MACF1: variants seen among roughly 807,000 people sequenced by gnomAD.
MACF1 encodes the protein microtubule-actin cross-linking factor 1.
MACF1 carries 193 observed loss-of-function variants against 854.8 expected under a neutral mutation model. The ratio of observed to expected loss-of-function variants is 0.23; its 90% CI spans 0.20 to 0.25. The LOEUF is 0.25. Among genes scored for constraint, MACF1 ranks in the 10% least tolerant of loss-of-function variants. The pLI is 1.00. For synonymous variants in MACF1, 3,185 were observed against 3,226.7 expected, an observed-to-expected ratio of 0.99 and a Z score of 0.44; for missense variants, 7,722 against 8,929.1, an observed-to-expected ratio of 0.86 and a Z score of 5.45.
In MACF1 at chr1:39,333,071, A is replaced by C; in HGVS notation, c.6483A>C (p.Gln2161His). 6.2e-7 allele frequency: 1 copy of C among 1,614,130 alleles called. No individual in the cohort carries two copies. The highest frequency in any genetic ancestry group is 8.5e-7 in the Non-Finnish European group (1 of 1,180,018). Residue 2161 changes from glutamine to histidine, a missense_variant, in exon 37 of 101, where the codon CAA (glutamine) becomes CAC (histidine). Gln to His is a conservative substitution (Grantham distance 24). Transcript: ENST00000564288. ...TTGAAACACCAAAGAAAGAACATCA[A>C]CCTCTAAGAAACACTTCCTTTACAT... Reference protein sequence around the residue: ...FSVETPKKEHQPLRNTSFTCQ... With the variant: ...FSVETPKKEHHPLRNTSFTCQ...
chr1:39,439,173 T>G (rs1044546876), intron 71 of MACF1, 101 bp from the exon 72 acceptor site: 29 of 573,674 alleles, frequency 5.1e-5, no homozygotes, highest in Middle Eastern at 9.4e-4. Context: ...TTTTAAAAAA[T>G]AGTTTCATTG....
At chr1:39,421,671 T>C (rs1227652499) in intron 58 of MACF1, among the ~76,000 whole-genome samples, 5 of 152,218 alleles carry the variant, frequency 3.3e-5, no homozygotes, top group East Asian at 1.9e-4. Context: ...TAAATACTAG[T>C]CATTTGGTAT....
At chr1:39,275,079 CTT>C (rs765812955) in intron 6 of MACF1, among the ~76,000 whole-genome samples, 17 of 138,020 alleles carry the variant, frequency 1.2e-4, no homozygotes, top group Non-Finnish European at 9.4e-5. Flanking sequence ...CAATAAGATA[CTT>C]TTTTTTTTTT....
intron 2 of MACF1, among the ~76,000 whole-genome samples, chr1:39,185,548 A>C (rs1346456791): frequency 2.0e-5 from 3 of 152,148 alleles, no homozygotes; most frequent in Non-Finnish European, 2.9e-5. Flanking sequence ...ATATATCAGA[A>C]GCAAGAAGGA....
At chr1:39,480,850 TCCCAA>T in intron 98 of MACF1, 65 bp from the exon 99 acceptor site, 2 of 775,404 alleles carry the variant, frequency 2.6e-6, no homozygotes, top group Admixed American at 4.5e-5. Context: ...TTTTTTCTGT[TCCCAA>T]TGTGCACCCT....
At chr1:39,329,581 T>C (rs933407574) in intron 36 of MACF1, among the ~76,000 whole-genome samples, 3 of 152,050 alleles carry the variant, frequency 2.0e-5, no homozygotes, top group African/African-American at 7.2e-5. Flanking sequence ...ATCAATAAGA[T>C]AGAGAGTTAA....
rs547305622 is a variant in MACF1 at position 39,479,449 on chromosome 1, G to A, written c.21959-349G>A. Among the ~76,000 whole-genome samples, 3 of 152,322 alleles carry A rather than the reference G, an allele frequency of 2.0e-5. No homozygotes were observed. In the South Asian group the frequency reaches 6.2e-4, roughly 32 times the overall value. ...CACATGTACTAAGAGAGAGAAAAGA[G>A]GGGTTTTGATTTAACTTCAGAGGTT... On this transcript the variant is annotated intron_variant, in intron 97 of 100. Coordinates refer to ENST00000564288, the MANE Select transcript of MACF1 (RefSeq NM_001394062.1).
At chr1:39,303,128 G>T in intron 23 of MACF1, 50 bp downstream of exon 23, 3 of 1,594,806 alleles carry the variant, frequency 1.9e-6, no homozygotes, top group Non-Finnish European at 1.7e-6. Flanking sequence ...TGTTGGCCTC[G>T]GTGAACCAGT....
At position 39,300,339 on chromosome 1, in the gene MACF1, G is replaced by C. The variant is rs1289938285; in HGVS notation, c.2611G>C (p.Val871Leu). 1.2e-6 allele frequency: 2 copies of C among 1,614,010 alleles called. No individual in the cohort carries two copies. Among genetic ancestry groups the C allele is most frequent in the Admixed American group, 3.3e-5 (2 of 60,004 alleles). Residue 871 changes from valine to leucine, a missense_variant, in exon 22 of 101, where the codon GTC becomes CTC. Val to Leu is a conservative substitution (Grantham distance 32, BLOSUM62 1). Coordinates refer to ENST00000564288, the MANE Select transcript of MACF1 (RefSeq NM_001394062.1). ...VLKNTISVKA[V>L]CDYRQIEITI... ...AAAGAACACCATTTCTGTCAAGGCT[G>C]TCTGTGACTACAGGCAGATCGAGGT...
At chr1:39,372,300 T>C (rs752950754) in intron 51 of MACF1, among the ~76,000 whole-genome samples, 179 bp from the exon 52 acceptor site, 9 of 152,256 alleles carry the variant, frequency 5.9e-5, no homozygotes, top group Non-Finnish European at 1.3e-4. Flanking sequence ...CCCCAGTGTT[T>C]GGCATGGTGC....
chr1:39,250,696 T>C (rs1475142629), intron 3 of MACF1, among the ~76,000 whole-genome samples: 2 of 146,382 alleles, frequency 1.4e-5, no homozygotes. Flanking sequence ...GGCTCCTTGA[T>C]TAATTAATAT....
Position 39,333,071 on chromosome 1 carries a change from A to G in MACF1, c.6483A>G (p.Gln2161=), listed in dbSNP as rs149929361. ...FSVETPKKEH[Q]PLRNTSFTCQ... ...TTGAAACACCAAAGAAAGAACATCA[A>G]CCTCTAAGAAACACTTCCTTTACAT... The change falls in exon 37 of 101, where the codon CAA becomes CAG. Residue 2161 remains glutamine (Q), a synonymous_variant. Coordinates refer to ENST00000564288, the MANE Select transcript of MACF1 (RefSeq NM_001394062.1). 5.4e-5 allele frequency: 87 copies of G among 1,614,012 alleles called. No individual in the cohort carries two copies. The highest frequency in any genetic ancestry group is 1.5e-4 in the South Asian group (14 of 91,080).
Position 39,283,312 on chromosome 1 carries a change from G to T in MACF1, c.808+11G>T. ...TGCTGGATGCAGAAGGTGAGAGGGA[G>T]TTTACTGAACTTGAGTAAGGAACAC... On this transcript the variant is annotated intron_variant, in intron 8 of 100. Coordinates refer to ENST00000564288, the MANE Select transcript of MACF1 (RefSeq NM_001394062.1). This position sits in a 1 kb window ranked among gnomAD's most constrained non-coding sequence, Gnocchi z 4.5. 2 of 1,602,718 alleles carry T rather than the reference G, an allele frequency of 1.2e-6. No homozygotes were observed. The highest frequency in any genetic ancestry group is 1.7e-6 in the Non-Finnish European group (2 of 1,169,634).
At position 39,393,916 on chromosome 1, in the gene MACF1, GAGAA is replaced by G. The variant is rs761940109; in HGVS notation, c.15816+5267_15816+5270del. On this transcript the variant is annotated intron_variant, in intron 58 of 100. Transcript: ENST00000564288. ...GAAGGAAGGAAAGAAAAGAAAGAAA[GAGAA>G]AGAAAGAACGAACGAACGAACAATG... Among the ~76,000 whole-genome samples, 377 of 151,944 alleles carry G rather than the reference GAGAA, an allele frequency of 2.5e-3. 3 individuals are homozygous for G. The highest frequency in any genetic ancestry group is 4.3e-3 in the Non-Finnish European group (295 of 67,924).
In MACF1 at chr1:39,091,150, C is replaced by T. The variant is rs532903985; in HGVS notation, c.220+6712C>T. 9.8e-5 allele frequency among the ~76,000 whole-genome samples: 15 copies of T among 152,342 alleles called. No homozygotes were observed. The East Asian group carries it at 1.3e-3, about 14-fold the overall frequency. On this transcript the variant is annotated intron_variant, in intron 2 of 93. Transcript: ENST00000361689. Reference sequence around the variant, plus strand: ...TTCTGTCTTAAGCTGTGCCCCACCCCTACCCCAGAAGATACCAGGCTTTTG... The same window carrying T: ...TTCTGTCTTAAGCTGTGCCCCACCCTTACCCCAGAAGATACCAGGCTTTTG...
chr1:39,381,784 C>T (rs1057427512), intron 55 of MACF1, among the ~76,000 whole-genome samples, 169 bp from the exon 56 acceptor site: 5 of 152,090 alleles, frequency 3.3e-5, no homozygotes, highest in Non-Finnish European at 5.9e-5. Flanking sequence ...GAGCCATGAT[C>T]GTGCCACTGC....
Position 39,285,666 on chromosome 1 carries a change from T to G in MACF1, c.1416T>G (p.Ile472Met). The change falls in exon 14 of 101, where the codon ATT becomes ATG. Residue 472 changes from isoleucine (I) to methionine (M), a missense_variant. This residue lies in a region of MACF1 where 1,137 missense variants were observed against 1,263.0 expected (regional missense o/e 0.90). Coordinates refer to ENST00000564288, the MANE Select transcript of MACF1 (RefSeq NM_001394062.1). ...VQCESDVIMY[I>M]QECEGLIRQL... ...GTGAGTCAGATGTCATTATGTACAT[T>G]CAGGAGTGTGAAGGTCTCATCAGGC... 1 of 1,614,038 alleles carries G rather than the reference T, an allele frequency of 6.2e-7. No individual in the cohort carries two copies.
At chr1:39,237,932 G>T (rs1048187055) in intron 2 of MACF1, among the ~76,000 whole-genome samples, 1 of 152,018 alleles carries the variant, frequency 6.6e-6, no homozygotes, top group Non-Finnish European at 1.5e-5. Context: ...TATATAAAAA[G>T]CCCCACAAAA....
At chr1:39,188,450 G>C (rs1012263522) in intron 2 of MACF1, among the ~76,000 whole-genome samples, 3 of 152,096 alleles carry the variant, frequency 2.0e-5, no homozygotes. Flanking sequence ...AATGCTGATT[G>C]GTGGGACTCG....
Sources: allele counts gnomAD v4.1 joint callset (sites outside exome capture counted in the v4.1 genomes callset), GRCh38; gene constraint gnomAD v4.1.1; regional missense constraint gnomAD v4.1.1; non-coding constraint Gnocchi (gnomAD v3.1); transcripts MANE v1.5; gene names NCBI Gene and HGNC (gene_info 2026-07-23, HGNC 2026-07-21).